Variants in TENM4 observed in about 807,000 individuals in gnomAD.
The protein encoded by TENM4 is teneurin transmembrane protein 4, also known as teneurin-4.
A neutral mutation model predicts 243.3 loss-of-function variants in TENM4; 82 were observed. That is an observed-to-expected ratio of 0.34 (90% confidence interval 0.28 to 0.40). The LOEUF is 0.40. TENM4 is among the 10% of genes least tolerant of loss of function. The probability of loss-of-function intolerance (pLI) is 1.00; values close to 1 mark genes in which losing one functional copy is unlikely to be tolerated. For synonymous variants in TENM4, 1,412 were observed against 1,456.3 expected (o/e 0.97, Z 0.69); for missense variants, 3,138 against 3,673.3 (o/e 0.85, Z 3.77).
chr11:79,410,151 G>A (rs1410254937), intron 1 of TENM4, among the ~76,000 whole-genome samples: 1 of 152,158 alleles, frequency 6.6e-6, no homozygotes, highest in African/African-American at 2.4e-5. Context: ...CTGCGGGTTG[G>A]ACAAGCTTGC....
chr11:79,182,049 C>A (rs1295514342), intron 3 of TENM4, among the ~76,000 whole-genome samples: 1 of 151,912 alleles, frequency 6.6e-6, no homozygotes, highest in East Asian at 1.9e-4. Context: ...AATGCAATCC[C>A]AATCAAAATC....
intron 6 of TENM4, among the ~76,000 whole-genome samples, chr11:78,943,064 A>G (rs1591150108): frequency 6.6e-6 from 1 of 152,274 alleles, no homozygotes; most frequent in Non-Finnish European, 1.5e-5. Flanking sequence ...CTTTCTCCCT[A>G]GCCCAGAAAT....
chr11:78,863,134 T>G lies in TENM4; in HGVS notation c.1085-2A>C. On this transcript the variant is annotated splice_acceptor_variant, in intron 9 of 33. Coordinates refer to ENST00000278550, the MANE Select transcript of TENM4 (RefSeq NM_001098816.3). LOFTEE classifies it high-confidence loss of function. ...AGTTTAGGCCAAACAGGTGCATGGC[T>G]GTGGTGAGCAATGAGAAAAGTCATC... is the stretch of plus-strand genomic sequence containing the variant. 6.7e-7 allele frequency: 1 copy of G among 1,492,742 alleles called. No homozygotes were observed. The highest frequency in any genetic ancestry group is 9.0e-7 in the Non-Finnish European group (1 of 1,105,444). 92.5% of individuals were successfully genotyped at this position (1,492,742 alleles called of 1,614,324 possible). A position where few individuals can be genotyped will look rare whatever the true frequency, so the allele number is the denominator to read the frequency against.
At position 78,812,287 on chromosome 11, in the gene TENM4, C is replaced by T; in HGVS notation, c.1813G>A (p.Gly605Ser). 2 of 1,551,854 alleles carry T rather than the reference C, an allele frequency of 1.3e-6. No individual in the cohort carries two copies. The highest frequency in any genetic ancestry group is 1.2e-5 in the South Asian group (1 of 84,064). Residue 605 changes from glycine to serine, a missense_variant, in exon 14 of 34, where the codon GGC (glycine) becomes AGC (serine). By Grantham distance (56) the Gly-to-Ser change is moderately conservative. Transcript: ENST00000278550. ...ASCPVLCSGNGQYMKGRCLCH... is the reference protein window; with the variant it reads ...ASCPVLCSGNSQYMKGRCLCH... ...AAGCATCTGCCTTTCATGTATTGGC[C>T]ATTTCCGCTACAGAGCACGGGGCAG...
intron 9 of TENM4, among the ~76,000 whole-genome samples, chr11:78,868,931 T>C (rs60098685): frequency 0.012 from 1,794 of 152,238 alleles, 35 homozygotes; most frequent in African/African-American, 0.041. Context: ...TTTTTTTAAA[T>C]GACTATTTCT....
chr11:79,233,502 A>C (rs1233818659), intron 2 of TENM4, among the ~76,000 whole-genome samples: 1 of 152,126 alleles, frequency 6.6e-6, no homozygotes, highest in Non-Finnish European at 1.5e-5. Flanking sequence ...ACTTAATAAA[A>C]CCTGGTAAGT....
At chr11:79,261,299 G>T (rs1373688771) in intron 2 of TENM4, among the ~76,000 whole-genome samples, 4 of 152,140 alleles carry the variant, frequency 2.6e-5, no homozygotes, top group Non-Finnish European at 5.9e-5. Context: ...CTTGTGTGTG[G>T]GGAAAGCTGA....
At chr11:79,195,656 T>C (rs1863612192) in intron 3 of TENM4, among the ~76,000 whole-genome samples, 1 of 152,222 alleles carries the variant, frequency 6.6e-6, no homozygotes, top group Non-Finnish European at 1.5e-5. Context: ...CAAATATCTG[T>C]ACTCTCATTG....
chr11:79,258,785 T>C (rs1855743003), intron 2 of TENM4, among the ~76,000 whole-genome samples: 2 of 152,176 alleles, frequency 1.3e-5, no homozygotes, highest in Non-Finnish European at 2.9e-5. Context: ...TTTAAGCAAG[T>C]GCTCCCCCAC....
intron 2 of TENM4, among the ~76,000 whole-genome samples, chr11:79,237,128 A>C (rs581842): frequency 0.59 from 89,299 of 152,030 alleles, 27,239 homozygotes; most frequent in African/African-American, 0.77. Flanking sequence ...AACTAAGAAC[A>C]TTGACTGAGC....
At chr11:78,718,729 A>G (rs1052072594) in intron 25 of TENM4, among the ~76,000 whole-genome samples, 16 of 152,240 alleles carry the variant, frequency 1.1e-4, no homozygotes, top group African/African-American at 3.4e-4. Flanking sequence ...AATCTCATTG[A>G]AAATCTCAGA....
At chr11:78,849,232 T>C (rs1436867911) in intron 12 of TENM4, among the ~76,000 whole-genome samples, 1 of 152,264 alleles carries the variant, frequency 6.6e-6, no homozygotes, top group African/African-American at 2.4e-5. Flanking sequence ...TATTTTTACT[T>C]TTAAAGTTTT....
chr11:79,357,542 T>C (rs1857518463), intron 1 of TENM4, among the ~76,000 whole-genome samples: 1 of 152,212 alleles, frequency 6.6e-6, no homozygotes. Flanking sequence ...CAAATGTGAC[T>C]TTGTCAAAAT....
intron 6 of TENM4, among the ~76,000 whole-genome samples, chr11:78,910,152 G>A (rs900730528): frequency 5.9e-5 from 9 of 152,072 alleles, no homozygotes; most frequent in South Asian, 4.2e-4. Context: ...GACAGCTCTG[G>A]CTCCAAGAAA....
intron 9 of TENM4, among the ~76,000 whole-genome samples, chr11:78,876,393 A>G (rs1343864108): frequency 1.3e-5 from 2 of 152,232 alleles, no homozygotes; most frequent in Admixed American, 1.3e-4. Flanking sequence ...AAAATGCACA[A>G]ATGGACACTT....
chr11:78,721,920 T>C (rs896334344), intron 24 of TENM4, among the ~76,000 whole-genome samples: 5 of 152,168 alleles, frequency 3.3e-5, no homozygotes, highest in Non-Finnish European at 5.9e-5. Flanking sequence ...TCTAAAATGA[T>C]CTAGGTTAGG....
chr11:79,236,570 G>C (rs558610920), intron 2 of TENM4, among the ~76,000 whole-genome samples: 1 of 152,136 alleles, frequency 6.6e-6, no homozygotes, highest in East Asian at 1.9e-4. Context: ...TGCTTGTGTC[G>C]GATGGTGAGC....
In TENM4 at chr11:78,658,972, G is replaced by A. The variant is rs546380509; in HGVS notation, c.7552-156C>T. On this transcript the variant is annotated intron_variant, in intron 33 of 33. Coordinates refer to ENST00000278550, the MANE Select transcript of TENM4 (RefSeq NM_001098816.3). ...TGACCACCAGAACATCCAGGTGGTC[G>A]CCAGAAGGTCAGAACATCTGCTGAC... is the stretch of plus-strand genomic sequence containing the variant. Among the ~76,000 whole-genome samples, 213 of 152,242 alleles carry A rather than the reference G, an allele frequency of 1.4e-3. 1 individual carries two copies. Among genetic ancestry groups the A allele is most frequent in the African/African-American group, 4.8e-3 (201 of 41,548 alleles).
At chr11:79,433,925 A>G (rs1024900739) in intron 1 of TENM4, among the ~76,000 whole-genome samples, 26 of 152,316 alleles carry the variant, frequency 1.7e-4, no homozygotes, top group African/African-American at 6.3e-4. Flanking sequence ...TGGTGACCAC[A>G]CCGTGAAACA....
Sources: allele counts gnomAD v4.1 joint callset (sites outside exome capture counted in the v4.1 genomes callset), GRCh38; gene constraint gnomAD v4.1.1; transcripts MANE v1.5; gene names NCBI Gene and HGNC (gene_info 2026-07-23, HGNC 2026-07-21).